The following PEMT variants were observed in gnomAD, a reference collection of about 807,000 sequenced individuals.
PEMT encodes phospholipid methyltransferase.
In PEMT, 23 loss-of-function variants were observed where a neutral mutation model predicts 27.4. The ratio of observed to expected loss-of-function variants is 0.84; its 90% CI spans 0.60 to 1.19. The LOEUF is 1.19. Ranked by LOEUF, PEMT falls within the 50% of genes most tolerant of loss-of-function variation. The pLI is 0.00. For synonymous variants in PEMT, 137 were observed against 139.1 expected, an observed-to-expected ratio of 0.98 and a Z score of 0.11; for missense variants, 307 against 310.1, an observed-to-expected ratio of 0.99 and a Z score of 0.07.
At chr17:17,545,643 A>G (rs1161915701) in intron 2 of PEMT, among the ~76,000 whole-genome samples, 1 of 152,200 alleles carries the variant, frequency 6.6e-6, no homozygotes, top group Non-Finnish European at 1.5e-5. Flanking sequence ...TCATTCATTC[A>G]TGCCATTCCA....
chr17:17,530,567 A>AT (rs1458613259), intron 2 of PEMT, among the ~76,000 whole-genome samples: 1 of 152,214 alleles, frequency 6.6e-6, no homozygotes, highest in Non-Finnish European at 1.5e-5. Flanking sequence ...AAAAACACAG[A>AT]TAAGAAGTTT....
intron 1 of PEMT, among the ~76,000 whole-genome samples, chr17:17,583,472 T>G (rs1482401371): frequency 6.6e-6 from 1 of 152,208 alleles, no homozygotes; most frequent in African/African-American, 2.4e-5. Flanking sequence ...CTAACCCTGT[T>G]TTTCCACATA....
chr17:17,581,679 G>A (rs941468053), intron 1 of PEMT, among the ~76,000 whole-genome samples: 5 of 152,196 alleles, frequency 3.3e-5, no homozygotes, highest in Admixed American at 6.5e-5. Flanking sequence ...GGTCAAAGCT[G>A]GAACGTATCC....
chr17:17,555,300 C>T (rs1162742567), intron 2 of PEMT, among the ~76,000 whole-genome samples: 1 of 152,162 alleles, frequency 6.6e-6, no homozygotes. Flanking sequence ...CTGGAGACAG[C>T]AGTGGGACAC....
At chr17:17,565,886 G>A (rs1406633126) in intron 2 of PEMT, among the ~76,000 whole-genome samples, 2 of 152,244 alleles carry the variant, frequency 1.3e-5, no homozygotes, top group African/African-American at 2.4e-5. Flanking sequence ...GCAGGCCTGG[G>A]TGTTTCCACT....
intron 2 of PEMT, chr17:17,570,629 A>C (rs1911128113): frequency 4.1e-6 from 4 of 985,440 alleles, no homozygotes; most frequent in Non-Finnish European, 4.8e-6. Context: ...CAGATCACCC[A>C]GAAAGGCCCA....
intron 4 of PEMT, among the ~76,000 whole-genome samples, chr17:17,510,855 G>A (rs978687990): frequency 3.3e-5 from 5 of 152,044 alleles, no homozygotes; most frequent in Non-Finnish European, 5.9e-5. Flanking sequence ...AGATCCACCC[G>A]AGCACTGGCC....
intron 2 of PEMT, among the ~76,000 whole-genome samples, chr17:17,548,541 C>G (rs751184578): frequency 6.6e-6 from 1 of 152,116 alleles, no homozygotes; most frequent in Non-Finnish European, 1.5e-5. Flanking sequence ...GACGGCTTCA[C>G]GGTGAGCACA....
At chr17:17,554,348 C>A (rs114729450) in intron 2 of PEMT, among the ~76,000 whole-genome samples, 1 of 152,222 alleles carries the variant, frequency 6.6e-6, no homozygotes, top group Admixed American at 6.5e-5. Flanking sequence ...CACAGCCCCC[C>A]TCCCATGTCC....
At chr17:17,577,583 A>T in intron 1 of PEMT, 1 of 878,350 alleles carries the variant, frequency 1.1e-6, no homozygotes, top group African/African-American at 1.8e-5. Context: ...GCACGTGGAC[A>T]CTGCCCCCGC....
At chr17:17,560,750 C>A (rs1051422202) in intron 2 of PEMT, among the ~76,000 whole-genome samples, 4 of 152,100 alleles carry the variant, frequency 2.6e-5, no homozygotes, top group African/African-American at 4.8e-5. Context: ...CCCTTCGCGT[C>A]CACACCAGCT....
In PEMT at chr17:17,513,771, G is replaced by A. The variant is rs1906592529; in HGVS notation, c.321-1117C>T. 6.6e-6 allele frequency among the ~76,000 whole-genome samples: 1 copy of A among 152,024 alleles called. No homozygotes were observed. The highest frequency in any genetic ancestry group is 6.6e-5 in the Admixed American group (1 of 15,262). The stretch of plus-strand genomic sequence containing the variant: ...ATCACAGGGGAGCGGGCGCTGGTGG[G>A]AAGGGGGCCCTGGGTGCTAGATGAG... On this transcript the variant is annotated intron_variant, in intron 3 of 6. Transcript: ENST00000255389. This position sits in a 1 kb window ranked among gnomAD's most constrained non-coding sequence, Gnocchi z 4.1.
intron 2 of PEMT, among the ~76,000 whole-genome samples, chr17:17,534,169 A>G (rs1191957701): frequency 6.6e-6 from 1 of 152,218 alleles, no homozygotes; most frequent in Non-Finnish European, 1.5e-5. Context: ...TTTACTTGTA[A>G]TAGTCAAAAC....
chr17:17,509,451 G>GTA lies in PEMT; in HGVS notation c.559_560dup (p.Leu188ThrfsTer16), dbSNP rs745565839. On this transcript the variant is annotated frameshift_variant, in exon 5 of 7. Transcript: ENST00000255389. LOFTEE classifies it high-confidence loss of function. ...GTACTCACATGATGGCCCAGCCCAG[G>GTA]TAGTTGGCTGTGCTTCCCCAGTACA... 1.2e-6 allele frequency: 2 copies of GTA among 1,611,668 alleles called. No individual in the cohort carries two copies. Among genetic ancestry groups the GTA allele is most frequent in the South Asian group, 2.2e-5 (2 of 90,966 alleles).
At chr17:17,506,868 C>G (rs943005264) in intron 5 of PEMT, 2 of 441,850 alleles carry the variant, frequency 4.5e-6, no homozygotes, top group Non-Finnish European at 4.1e-6. Context: ...GCCGCCCCGC[C>G]CAGCCCTCAA....
chr17:17,592,120 T>G, upstream of PEMT: 1 of 982,556 alleles, frequency 1.0e-6, no homozygotes, highest in Non-Finnish European at 1.2e-6. Flanking sequence ...CCCCACGCCC[T>G]CTTCTGAAAT....
At chr17:17,516,868 A>G (rs1195459131) in intron 3 of PEMT, among the ~76,000 whole-genome samples, 1 of 151,684 alleles carries the variant, frequency 6.6e-6, no homozygotes, top group African/African-American at 2.4e-5. Flanking sequence ...AGCTGCCCTC[A>G]TGGACCCCGC....
At chr17:17,517,414 C>A (rs1257677302) in intron 3 of PEMT, among the ~76,000 whole-genome samples, 1 of 152,260 alleles carries the variant, frequency 6.6e-6, no homozygotes, top group Non-Finnish European at 1.5e-5. Context: ...ACACGCCCAG[C>A]CCTCCATTGC....
chr17:17,541,274 C>T (rs1368473317), intron 2 of PEMT, among the ~76,000 whole-genome samples: 1 of 152,214 alleles, frequency 6.6e-6, no homozygotes, highest in Non-Finnish European at 1.5e-5. Context: ...CGGACAGGTG[C>T]GGTGGTGCCT....
Sources: allele counts gnomAD v4.1 joint callset (sites outside exome capture counted in the v4.1 genomes callset), GRCh38; gene constraint gnomAD v4.1.1; non-coding constraint Gnocchi (gnomAD v3.1); transcripts MANE v1.5; gene names NCBI Gene and HGNC (gene_info 2026-07-23, HGNC 2026-07-21).